Variants in COL25A1 observed in about 807,000 individuals in gnomAD.
COL25A1 encodes collagen alpha-1(XXV) chain.
In COL25A1, 103 loss-of-function variants were observed where a neutral mutation model predicts 128.4. That is an observed-to-expected ratio of 0.80 (90% confidence interval 0.68 to 0.94). The LOEUF is 0.94. Ranked by LOEUF, COL25A1 falls within the 40% of genes least tolerant of loss-of-function variation. COL25A1 has a pLI of 0.00. For missense variants in COL25A1, 745 were observed against 840.0 expected, an observed-to-expected ratio of 0.89 and a Z score of 1.40; for synonymous variants, 279 against 277.2, an observed-to-expected ratio of 1.01 and a Z score of -0.06.
At chr4:109,018,057 T>A (rs1294877367) in intron 5 of COL25A1, among the ~76,000 whole-genome samples, 1 of 151,628 alleles carries the variant, frequency 6.6e-6, no homozygotes, top group Admixed American at 6.6e-5. Flanking sequence ...TTTTTTCAGG[T>A]GAAAAGAAAA....
intron 6 of COL25A1, among the ~76,000 whole-genome samples, chr4:108,993,073 A>C (rs1754381045): frequency 6.6e-6 from 1 of 152,208 alleles, no homozygotes; most frequent in Admixed American, 6.5e-5. Context: ...ATTTTCCAAG[A>C]ATACAGTATA....
At chr4:108,910,907 G>A (rs928357965) in intron 13 of COL25A1, among the ~76,000 whole-genome samples, 2 of 152,166 alleles carry the variant, frequency 1.3e-5, no homozygotes, top group Non-Finnish European at 2.9e-5. Flanking sequence ...AGAGAAACCT[G>A]AAAGGAATTC....
At chr4:108,835,617 C>A (rs920732084) in intron 31 of COL25A1, among the ~76,000 whole-genome samples, 1 of 151,850 alleles carries the variant, frequency 6.6e-6, no homozygotes, top group Non-Finnish European at 1.5e-5. Flanking sequence ...TGCAATGGCA[C>A]AATCTTGGCT....
chr4:109,218,358 T>TA (rs1778175886), intron 3 of COL25A1, among the ~76,000 whole-genome samples: 1 of 77,316 alleles, frequency 1.3e-5, no homozygotes, highest in African/African-American at 5.9e-5. Flanking sequence ...TTTTTTGGGG[T>TA]TTTTTTTTTT....
intron 3 of COL25A1, among the ~76,000 whole-genome samples, chr4:109,129,623 T>C (rs1306259676): frequency 6.6e-6 from 1 of 152,220 alleles, no homozygotes; most frequent in East Asian, 1.9e-4. Flanking sequence ...AAGTGATGAC[T>C]ATATGGTGTG....
intron 24 of COL25A1, among the ~76,000 whole-genome samples, chr4:108,855,061 C>G (rs115062114): frequency 0.012 from 1,802 of 152,178 alleles, 36 homozygotes; most frequent in African/African-American, 0.041. Context: ...GAGGGGAGAA[C>G]ATTTCCTTTA....
chr4:108,956,408 TG>T (rs1414585140), intron 8 of COL25A1, among the ~76,000 whole-genome samples: 3 of 152,184 alleles, frequency 2.0e-5, no homozygotes. Context: ...ATGTTATTTT[TG>T]TTTGTTTGTT....
intron 26 of COL25A1, among the ~76,000 whole-genome samples, chr4:108,851,411 TGA>T (rs1454639705): frequency 2.0e-5 from 3 of 152,168 alleles, no homozygotes; most frequent in African/African-American, 7.2e-5. Flanking sequence ...TTAAGTATCT[TGA>T]GAGAGTATGA....
chr4:108,994,056 T>A (rs1430383492), intron 6 of COL25A1, among the ~76,000 whole-genome samples: 1 of 152,108 alleles, frequency 6.6e-6, no homozygotes, highest in Non-Finnish European at 1.5e-5. Context: ...AGACAGATGA[T>A]TTCTGCATTT....
chr4:109,173,196 C>T (rs546343640), intron 3 of COL25A1, among the ~76,000 whole-genome samples: 3 of 151,992 alleles, frequency 2.0e-5, no homozygotes, highest in Admixed American at 2.0e-4. Flanking sequence ...CGTGATCCTC[C>T]CCTTTCAGAC....
At chr4:109,053,246 T>C (rs1761147055) in intron 3 of COL25A1, among the ~76,000 whole-genome samples, 1 of 152,186 alleles carries the variant, frequency 6.6e-6, no homozygotes, top group Non-Finnish European at 1.5e-5. Flanking sequence ...CAAAAATAGA[T>C]GCAAGCTGTC....
At chr4:109,271,344 T>C (rs1206427364) in intron 3 of COL25A1, among the ~76,000 whole-genome samples, 2 of 152,246 alleles carry the variant, frequency 1.3e-5, no homozygotes, top group Non-Finnish European at 2.9e-5. Flanking sequence ...CTACTTCACC[T>C]AGCTGAAAAC....
At chr4:109,213,431 G>A (rs1342057004) in intron 3 of COL25A1, among the ~76,000 whole-genome samples, 1 of 152,158 alleles carries the variant, frequency 6.6e-6, no homozygotes, top group East Asian at 1.9e-4. Context: ...TGGGCCTTAG[G>A]ATGCTGGCAG....
chr4:109,121,042 A>T (rs1768066953), intron 3 of COL25A1, among the ~76,000 whole-genome samples: 1 of 152,060 alleles, frequency 6.6e-6, no homozygotes, highest in African/African-American at 2.4e-5. Context: ...TAATCTATAG[A>T]TTCAATGCAA....
chr4:109,068,329 T>C (rs966469976), intron 3 of COL25A1, among the ~76,000 whole-genome samples: 5 of 151,810 alleles, frequency 3.3e-5, no homozygotes, highest in African/African-American at 1.2e-4. Context: ...ATATTTAGTC[T>C]AAGGACCTGG....
At chr4:109,230,559 T>C (rs1779098777) in intron 3 of COL25A1, among the ~76,000 whole-genome samples, 4 of 152,194 alleles carry the variant, frequency 2.6e-5, no homozygotes, top group Admixed American at 2.6e-4. Flanking sequence ...GCCCAGAAGA[T>C]GCTATAAAAC....
intron 6 of COL25A1, among the ~76,000 whole-genome samples, chr4:108,999,667 G>A (rs956432056): frequency 1.3e-5 from 2 of 152,128 alleles, no homozygotes; most frequent in Non-Finnish European, 1.5e-5. Flanking sequence ...ACATGCACAC[G>A]TATGTTTATT....
chr4:109,089,825 C>T (rs567093708), intron 3 of COL25A1, among the ~76,000 whole-genome samples: 11 of 152,100 alleles, frequency 7.2e-5, no homozygotes, highest in African/African-American at 1.2e-4. Context: ...AGATTTGTCT[C>T]GAACTCTGCA....
intron 5 of COL25A1, among the ~76,000 whole-genome samples, chr4:109,012,360 G>A (rs866355276): frequency 6.6e-6 from 1 of 152,198 alleles, no homozygotes; most frequent in Non-Finnish European, 1.5e-5. Context: ...CGGCCTTGGC[G>A]TTCGCTCTGG....
Sources: gnomAD v4.1 joint callset for allele counts (sites outside exome capture counted in the v4.1 genomes callset) on GRCh38, gnomAD v4.1.1 for gene constraint, MANE v1.5 for transcripts, NCBI Gene and HGNC (gene_info 2026-07-23, HGNC 2026-07-21) for gene names.